The following PHF14 variants were observed in gnomAD, a reference collection of about 807,000 sequenced individuals.
PHF14 encodes the protein PHD finger protein 14.
PHF14 carries 55 observed loss-of-function variants against 117.9 expected under a neutral mutation model. The ratio of observed to expected loss-of-function variants is 0.47; its 90% CI spans 0.38 to 0.58. The LOEUF (loss-of-function observed/expected upper bound fraction) is 0.58. Ranked by LOEUF, PHF14 falls within the 20% of genes least tolerant of loss-of-function variation. PHF14 has a pLI of 0.00. For missense variants in PHF14, 978 were observed against 1,122.2 expected (o/e 0.87, Z 1.84); for synonymous variants, 409 against 368.6 (o/e 1.11, Z -1.26).
chr7:10,992,656 G>A (rs988780154), intron 4 of PHF14, among the ~76,000 whole-genome samples: 1 of 151,960 alleles, frequency 6.6e-6, no homozygotes, highest in African/African-American at 2.4e-5. Flanking sequence ...GAGGAAGACT[G>A]TCTCAAAATT....
chr7:11,099,152 T>C (rs906192376), intron 16 of PHF14, among the ~76,000 whole-genome samples: 3 of 152,148 alleles, frequency 2.0e-5, no homozygotes, highest in African/African-American at 7.2e-5. Flanking sequence ...TAAAAAATGT[T>C]TACTTGGTAT....
At chr7:11,102,592 G>A (rs1787129817) in intron 16 of PHF14, 2 of 1,585,614 alleles carry the variant, frequency 1.3e-6, no homozygotes, top group South Asian at 1.1e-5. Context: ...TCTCGATAGA[G>A]TACATAAAGT....
intron 6 of PHF14, among the ~76,000 whole-genome samples, chr7:11,026,931 T>C (rs1432920512): frequency 6.6e-6 from 1 of 152,168 alleles, no homozygotes; most frequent in African/African-American, 2.4e-5. Flanking sequence ...AAATCATGAC[T>C]GGGACAGCCT....
intron 17 of PHF14, among the ~76,000 whole-genome samples, chr7:11,148,435 A>G (rs1051539341): frequency 6.6e-6 from 1 of 152,116 alleles, no homozygotes; most frequent in Non-Finnish European, 1.5e-5. Context: ...AGATCAGTAC[A>G]TGACTGTTTC....
At chr7:11,117,299 A>G (rs1787624675) in intron 17 of PHF14, among the ~76,000 whole-genome samples, 1 of 151,656 alleles carries the variant, frequency 6.6e-6, no homozygotes, top group South Asian at 2.1e-4. Flanking sequence ...TAGCTTGGAG[A>G]CTTCTATTTG....
chr7:10,998,884 G>C (rs1440746306), intron 4 of PHF14, among the ~76,000 whole-genome samples: 1 of 152,092 alleles, frequency 6.6e-6, no homozygotes. Flanking sequence ...GTCATTCTTA[G>C]GTCTACTTCT....
At chr7:11,149,772 C>A (rs1311296796) in intron 17 of PHF14, among the ~76,000 whole-genome samples, 1 of 151,642 alleles carries the variant, frequency 6.6e-6, no homozygotes, top group Non-Finnish European at 1.5e-5. Context: ...AATAGAGATT[C>A]TCACTGAATT....
intron 4 of PHF14, among the ~76,000 whole-genome samples, chr7:11,012,375 A>C (rs181098310): frequency 3.9e-5 from 6 of 152,334 alleles, no homozygotes; most frequent in Admixed American, 6.5e-5. Context: ...CAAGTCCCAC[A>C]GTCGGACCTG....
At chr7:11,079,683 T>C (rs1219738633) in intron 16 of PHF14, among the ~76,000 whole-genome samples, 2 of 152,140 alleles carry the variant, frequency 1.3e-5, no homozygotes, top group Admixed American at 1.3e-4. Context: ...CTCTCTGTTT[T>C]CAAAATAAAT....
intron 4 of PHF14, 23 bp downstream of exon 4, chr7:10,990,870 C>T (rs772546819): frequency 6.6e-7 from 1 of 1,520,426 alleles, no homozygotes; most frequent in East Asian, 3.0e-5. Context: ...TCTTTTCTCT[C>T]TTTTTAGAAA....
intron 17 of PHF14, among the ~76,000 whole-genome samples, chr7:11,166,501 G>T (rs773879789): frequency 6.6e-5 from 10 of 152,030 alleles, no homozygotes; most frequent in Non-Finnish European, 1.3e-4. Flanking sequence ...TTATTAATCT[G>T]GAACTGCGTA....
intron 4 of PHF14, among the ~76,000 whole-genome samples, chr7:11,008,224 C>T (rs1414435094): frequency 1.3e-5 from 2 of 152,184 alleles, no homozygotes; most frequent in African/African-American, 4.8e-5. Context: ...GTTAGCCTAG[C>T]CCAAGGCCAT....
intron 16 of PHF14, among the ~76,000 whole-genome samples, chr7:11,094,268 G>A (rs1358428478): frequency 6.6e-6 from 1 of 152,098 alleles, no homozygotes; most frequent in Admixed American, 6.5e-5. Flanking sequence ...CATAATTTTG[G>A]AAGACATAAG....
At chr7:11,003,646 AT>A (rs1315711337) in intron 4 of PHF14, among the ~76,000 whole-genome samples, 1 of 152,086 alleles carries the variant, frequency 6.6e-6, no homozygotes, top group Non-Finnish European at 1.5e-5. Flanking sequence ...GAAATTACCT[AT>A]TTTTTTGTTT....
chr7:11,080,132 A>G (rs749711699), intron 16 of PHF14, among the ~76,000 whole-genome samples: 15 of 152,138 alleles, frequency 9.9e-5, no homozygotes, highest in African/African-American at 1.4e-4. Context: ...AGAACATACC[A>G]AGTGTAGTTG....
intron 13 of PHF14, among the ~76,000 whole-genome samples, chr7:11,047,994 T>C (rs74846870): frequency 0.027 from 4,153 of 151,762 alleles, 196 homozygotes; most frequent in African/African-American, 0.096. Flanking sequence ...TCTTGGTATT[T>C]CAACATGAAA....
intron 4 of PHF14, among the ~76,000 whole-genome samples, chr7:11,002,848 A>G (rs886390428): frequency 3.9e-5 from 6 of 152,246 alleles, no homozygotes; most frequent in African/African-American, 9.6e-5. Context: ...GTGAGCACCA[A>G]TAGAAGGTTG....
intron 14 of PHF14, among the ~76,000 whole-genome samples, chr7:11,057,570 C>T (rs1039516575): frequency 3.3e-5 from 5 of 152,000 alleles, no homozygotes; most frequent in Admixed American, 6.6e-5. Flanking sequence ...GATGAGATTT[C>T]GCCATGTTGG....
intron 16 of PHF14, chr7:11,106,821 T>A: frequency 2.0e-6 from 2 of 983,206 alleles, no homozygotes; most frequent in Non-Finnish European, 2.4e-6. Flanking sequence ...GGATATTTAG[T>A]TTTTTTTAAG....
Sources: allele counts gnomAD v4.1 joint callset (sites outside exome capture counted in the v4.1 genomes callset), GRCh38; gene constraint gnomAD v4.1.1; transcripts MANE v1.5; gene names NCBI Gene and HGNC (gene_info 2026-07-23, HGNC 2026-07-21).